P3H2: variants seen among roughly 807,000 people sequenced by gnomAD.
P3H2 encodes the protein leprecan-like 1.
Under a neutral mutation model 87.0 loss-of-function variants are expected in P3H2, and 80 were observed. The observed-to-expected ratio is 0.92, with a 90% confidence interval of 0.77 to 1.11. P3H2 has a LOEUF of 1.11. Ranked by LOEUF, P3H2 falls within the 50% of genes least tolerant of loss-of-function variation. The pLI is 0.00. For synonymous variants in P3H2, 367 were observed against 359.3 expected, an observed-to-expected ratio of 1.02 and a Z score of -0.24; for missense variants, 1,001 against 923.9, an observed-to-expected ratio of 1.08 and a Z score of -1.08.
At chr3:189,988,258 T>C (rs1239592993) in intron 4 of P3H2, among the ~76,000 whole-genome samples, 1 of 152,224 alleles carries the variant, frequency 6.6e-6, no homozygotes, top group Non-Finnish European at 1.5e-5. Context: ...ATGTTTCCAA[T>C]ATAAACTTTT....
chr3:190,100,889 G>C (rs1711601618), intron 1 of P3H2, among the ~76,000 whole-genome samples: 1 of 151,994 alleles, frequency 6.6e-6, no homozygotes, highest in Non-Finnish European at 1.5e-5. Flanking sequence ...CCTTGCATCA[G>C]GCCACTTCTT....
chr3:190,120,179 G>A (rs1310875347), intron 1 of P3H2, 73 bp downstream of exon 1: 5 of 1,526,436 alleles, frequency 3.3e-6, no homozygotes, highest in Non-Finnish European at 4.5e-6. Context: ...AGATGACGGG[G>A]GCAGCAGGGA....
intron 7 of P3H2, chr3:189,983,381 A>G: frequency 1.9e-6 from 1 of 521,610 alleles, no homozygotes; most frequent in Non-Finnish European, 3.4e-6. Flanking sequence ...AATTAATTGT[A>G]TGCATAACAT....
chr3:190,005,364 G>T lies in P3H2; in HGVS notation c.481-9922C>A, dbSNP rs192278860. 2.4e-3 allele frequency among the ~76,000 whole-genome samples: 362 copies of T among 152,352 alleles called. 1 individual carries two copies. Among genetic ancestry groups the T allele is most frequent in the South Asian group, 0.014 (69 of 4,830 alleles). ...ATGGGGGCATATAGATCAGGGAGAA[G>T]AAGTAATCATTTGGGCCCTGGCCTG... is the stretch of plus-strand genomic sequence containing the variant. On this transcript the variant is annotated intron_variant, in intron 1 of 14. Transcript: ENST00000319332.
rs879286759 is a variant in P3H2, at chr3:189,973,507, C to CTTTTTTTTTTTTTTTTTTTTTTT, written c.1548+401_1548+402insAAAAAAAAAAAAAAAAAAAAAAA. 7.1e-4 allele frequency among the ~76,000 whole-genome samples: 56 copies of CTTTTTTTTTTTTTTTTTTTTTTT among 78,960 alleles called. 2 individuals carry two copies. Among genetic ancestry groups the CTTTTTTTTTTTTTTTTTTTTTTT allele is most frequent in the Non-Finnish European group, 9.9e-4 (41 of 41,506 alleles). 51.8% of individuals were successfully genotyped at this position (78,960 alleles called of 152,430 possible). A position where few individuals can be genotyped will look rare whatever the true frequency, so the allele number is the denominator to read the frequency against. On this transcript the variant is annotated intron_variant, in intron 10 of 14. Transcript: ENST00000319332. ...TCAAAACTTTTTTCTTTCTTTCTTT[C>CTTTTTTTTTTTTTTTTTTTTTTT]TTTCTTTTTTTTTTTTTTTTTTTTT... is the stretch of plus-strand genomic sequence containing the variant.
chr3:190,069,341 C>A (rs932141425), intron 1 of P3H2, among the ~76,000 whole-genome samples: 2 of 152,086 alleles, frequency 1.3e-5, no homozygotes, highest in African/African-American at 4.8e-5. Flanking sequence ...ACTGAGTAAG[C>A]ATCTTTTGAC....
intron 1 of P3H2, among the ~76,000 whole-genome samples, chr3:190,030,513 G>T (rs1719630): frequency 0.59 from 89,468 of 152,032 alleles, 27,948 homozygotes; most frequent in Admixed American, 0.71. Context: ...CTATAATTGT[G>T]CCACTTCACT....
chr3:189,969,812 C>G, intron 13 of P3H2: 1 of 1,604,264 alleles, frequency 6.2e-7, no homozygotes, highest in Non-Finnish European at 8.5e-7. Context: ...CAGGCCTGTT[C>G]CACCAATTAT....
At chr3:190,110,403 G>C (rs906597646) in intron 1 of P3H2, among the ~76,000 whole-genome samples, 1 of 152,064 alleles carries the variant, frequency 6.6e-6, no homozygotes, top group East Asian at 1.9e-4. Context: ...TGAGAAACCC[G>C]GACTGAAATG....
rs1474829215 is a variant in P3H2, at chr3:189,973,507, CTTTCTTT to C, written c.1548+395_1548+401del. Reference sequence around the variant, plus strand: ...TCAAAACTTTTTTCTTTCTTTCTTTCTTTCTTTTTTTTTTTTTTTTTTTTTTTTTTTA... The same window carrying C: ...TCAAAACTTTTTTCTTTCTTTCTTTCTTTTTTTTTTTTTTTTTTTTTTTTA... On this transcript the variant is annotated intron_variant, in intron 10 of 14. Coordinates refer to ENST00000319332, the MANE Select transcript of P3H2 (RefSeq NM_018192.4). Among the ~76,000 whole-genome samples, 260 of 78,954 alleles carry C rather than the reference CTTTCTTT, an allele frequency of 3.3e-3. 1 individual carries two copies. Among genetic ancestry groups the C allele is most frequent in the Admixed American group, 0.016 (98 of 6,062 alleles). The allele number at this position is 78,954 out of a possible 152,430, so 51.8% of individuals were successfully genotyped here.
intron 1 of P3H2, among the ~76,000 whole-genome samples, chr3:190,047,095 C>A (rs1725832620): frequency 6.6e-6 from 1 of 152,060 alleles, no homozygotes; most frequent in African/African-American, 2.4e-5. Flanking sequence ...TCGGAATAGA[C>A]ATTTCTTAAA....
intron 6 of P3H2, among the ~76,000 whole-genome samples, chr3:189,986,345 G>C (rs1723694810): frequency 6.6e-6 from 1 of 152,228 alleles, no homozygotes; most frequent in Non-Finnish European, 1.5e-5. Context: ...AGCACTTGGG[G>C]AGGCTGAGGC....
At chr3:190,016,853 T>C (rs138233128) in intron 1 of P3H2, among the ~76,000 whole-genome samples, 7 of 152,336 alleles carry the variant, frequency 4.6e-5, no homozygotes, top group Non-Finnish European at 8.8e-5. Context: ...CAGCCCATTC[T>C]AGCTTTGGGC....
At chr3:190,059,132 G>A (rs920107703) in intron 1 of P3H2, among the ~76,000 whole-genome samples, 1 of 152,092 alleles carries the variant, frequency 6.6e-6, no homozygotes, top group African/African-American at 2.4e-5. Context: ...CAGTTGGTGA[G>A]GCTGCAGTAG....
intron 12 of P3H2, 80 bp from the exon 13 acceptor site, chr3:189,970,971 G>GTAC (rs1723161576): frequency 3.7e-6 from 3 of 814,562 alleles, no homozygotes; most frequent in Admixed American, 3.7e-5. Flanking sequence ...GACTGGTGAT[G>GTAC]TACTGTCCAG....
At chr3:190,072,428 T>A (rs536972685) in intron 1 of P3H2, among the ~76,000 whole-genome samples, 1 of 152,210 alleles carries the variant, frequency 6.6e-6, no homozygotes, top group Admixed American at 6.5e-5. Context: ...CGTCCACTGA[T>A]GTTGAATTAG....
chr3:190,041,982 C>T (rs1577291318), intron 1 of P3H2, among the ~76,000 whole-genome samples: 2 of 152,124 alleles, frequency 1.3e-5, no homozygotes, highest in African/African-American at 4.8e-5. Flanking sequence ...AAACACATTC[C>T]CCACGGGGCA....
chr3:190,108,216 A>G (rs1300615857), intron 1 of P3H2, among the ~76,000 whole-genome samples: 1 of 151,966 alleles, frequency 6.6e-6, no homozygotes, highest in East Asian at 1.9e-4. Flanking sequence ...CAGTGGTGCA[A>G]TCATGGCTCA....
chr3:189,957,499 T>G lies in P3H2; in HGVS notation c.*413A>C. ...TGTGTGTTTGGGGGAGGAGGTGAAC[T>G]GGGCTTTGATAGATACATGAAATGA... On this transcript the variant is annotated 3_prime_UTR_variant, in exon 15 of 15. Coordinates refer to ENST00000319332, the MANE Select transcript of P3H2 (RefSeq NM_018192.4). 2.6e-6 allele frequency: 1 copy of G among 382,572 alleles called. No homozygotes were observed. Among genetic ancestry groups the G allele is most frequent in the Non-Finnish European group, 4.6e-6 (1 of 216,344 alleles). The allele number at this position is 382,572 out of a possible 1,614,324, so 23.7% of individuals were successfully genotyped here.
Sources: gnomAD v4.1 joint callset for allele counts (sites outside exome capture counted in the v4.1 genomes callset) on GRCh38, gnomAD v4.1.1 for gene constraint, MANE v1.5 for transcripts, NCBI Gene and HGNC (gene_info 2026-07-23, HGNC 2026-07-21) for gene names.